EXOC4: variants seen among roughly 807,000 people sequenced by gnomAD.
EXOC4 encodes exocyst complex component 4.
In EXOC4, 71 loss-of-function variants were observed where a neutral mutation model predicts 107.2. The observed-to-expected ratio is 0.66, with a 90% CI of 0.55 to 0.81. The LOEUF is 0.81. EXOC4 is among the 30% of genes least tolerant of loss of function. The probability of loss-of-function intolerance (pLI) is 0.00; values close to 1 mark genes in which losing one functional copy is unlikely to be tolerated. For missense variants in EXOC4, 1,108 were observed against 1,189.6 expected, an observed-to-expected ratio of 0.93 and a Z score of 1.01; for synonymous variants, 456 against 441.2, an observed-to-expected ratio of 1.03 and a Z score of -0.42.
At chr7:133,410,307 G>C (rs901948058) in intron 7 of EXOC4, among the ~76,000 whole-genome samples, 1 of 152,248 alleles carries the variant, frequency 6.6e-6, no homozygotes. Context: ...AGGGAAAAAA[G>C]CATTACATTA....
chr7:133,922,385 C>T (rs1181780030), intron 13 of EXOC4, among the ~76,000 whole-genome samples: 1 of 151,990 alleles, frequency 6.6e-6, no homozygotes, highest in African/African-American at 2.4e-5. Context: ...TATTTTTGGA[C>T]CTTATATAAA....
At chr7:134,008,842 G>A (rs1017743756) in intron 17 of EXOC4, among the ~76,000 whole-genome samples, 2 of 151,964 alleles carry the variant, frequency 1.3e-5, no homozygotes, top group Non-Finnish European at 2.9e-5. Context: ...TGTTGCCTAG[G>A]CTGGTCTTGA....
intron 5 of EXOC4, among the ~76,000 whole-genome samples, chr7:133,348,403 A>G (rs1209415597): frequency 6.6e-6 from 1 of 152,172 alleles, no homozygotes; most frequent in Non-Finnish European, 1.5e-5. Context: ...TATCTATCAT[A>G]TTAGTGTGTA....
chr7:133,587,316 A>G (rs1221003742), intron 9 of EXOC4, among the ~76,000 whole-genome samples: 1 of 152,244 alleles, frequency 6.6e-6, no homozygotes, highest in Non-Finnish European at 1.5e-5. Context: ...CACTTGCAAA[A>G]TGAAAACGAG....
chr7:133,826,417 A>G (rs896383105), intron 11 of EXOC4, among the ~76,000 whole-genome samples: 1 of 152,208 alleles, frequency 6.6e-6, no homozygotes, highest in Non-Finnish European at 1.5e-5. Flanking sequence ...TTTGGTCTCC[A>G]TAATCATCAG....
At chr7:133,330,979 G>A (rs1307081506) in intron 5 of EXOC4, among the ~76,000 whole-genome samples, 2 of 151,452 alleles carry the variant, frequency 1.3e-5, no homozygotes, top group African/African-American at 4.9e-5. Flanking sequence ...GTTATAGTTT[G>A]CAAAATATAT....
chr7:133,406,395 T>G (rs1447215765), intron 7 of EXOC4, among the ~76,000 whole-genome samples: 1 of 152,230 alleles, frequency 6.6e-6, no homozygotes, highest in Non-Finnish European at 1.5e-5. Flanking sequence ...TTTTGAGCGT[T>G]GGGGATGAGC....
chr7:133,928,447 C>T (rs1017890340), intron 13 of EXOC4, among the ~76,000 whole-genome samples: 2 of 152,176 alleles, frequency 1.3e-5, no homozygotes, highest in African/African-American at 2.4e-5. Context: ...TCCCTGCCAG[C>T]GGGTGAAGGA....
chr7:133,508,449 T>C (rs1297987611), intron 9 of EXOC4, among the ~76,000 whole-genome samples: 2 of 152,352 alleles, frequency 1.3e-5, no homozygotes, highest in East Asian at 1.9e-4. Flanking sequence ...AAGGTGATGC[T>C]AATCAGGATA....
At chr7:133,821,965 G>T (rs566160725) in intron 11 of EXOC4, among the ~76,000 whole-genome samples, 2 of 152,278 alleles carry the variant, frequency 1.3e-5, no homozygotes, top group African/African-American at 4.8e-5. Flanking sequence ...TCATGGTCTT[G>T]GGTTTAAGAT....
intron 3 of EXOC4, among the ~76,000 whole-genome samples, chr7:133,298,785 C>G (rs1210582719): frequency 6.6e-6 from 1 of 152,052 alleles, no homozygotes; most frequent in Non-Finnish European, 1.5e-5. Context: ...AGATCTACTT[C>G]TAGAATTTTA....
chr7:133,830,201 T>C (rs966216042), intron 11 of EXOC4, among the ~76,000 whole-genome samples: 9 of 152,242 alleles, frequency 5.9e-5, no homozygotes, highest in Non-Finnish European at 1.3e-4. Flanking sequence ...TCCTTTTTTT[T>C]CCACAAACAT....
chr7:133,817,499 C>A lies in EXOC4; in HGVS notation c.1689C>A (p.Asn563Lys), dbSNP rs1052756068. The change falls in exon 11 of 18, where the codon AAC (asparagine) becomes AAA (lysine). Residue 563 changes from asparagine to lysine, a missense_variant. By Grantham distance (94) the Asn-to-Lys change is moderately conservative (BLOSUM62 0). Transcript: ENST00000253861. Reference protein sequence around the residue: ...KTSDPLKILANADTMKVLGVQ... With the variant: ...KTSDPLKILAKADTMKVLGVQ... ...CTGACCCTTTGAAGATTCTGGCCAA[C>A]GCAGACACCATGAAGGTGCTGGGAG... 6.2e-7 allele frequency: 1 copy of A among 1,613,996 alleles called. No homozygotes were observed. The highest frequency in any genetic ancestry group is 1.3e-5 in the African/African-American group (1 of 74,920).
At chr7:133,870,300 G>T (rs1282397382) in intron 11 of EXOC4, among the ~76,000 whole-genome samples, 1 of 152,038 alleles carries the variant, frequency 6.6e-6, no homozygotes, top group Non-Finnish European at 1.5e-5. Context: ...TTACCTCATG[G>T]AACAGATATC....
intron 12 of EXOC4, among the ~76,000 whole-genome samples, chr7:133,909,865 A>G (rs901670578): frequency 2.6e-5 from 4 of 151,330 alleles, no homozygotes; most frequent in African/African-American, 7.3e-5. Flanking sequence ...AACACAGACT[A>G]TATTTAAATT....
chr7:133,607,256 CAT>C (rs1801970691), intron 9 of EXOC4, among the ~76,000 whole-genome samples: 1 of 152,158 alleles, frequency 6.6e-6, no homozygotes, highest in Non-Finnish European at 1.5e-5. Context: ...GAACTTAACA[CAT>C]GTGTCTGACA....
intron 17 of EXOC4, among the ~76,000 whole-genome samples, chr7:134,032,193 A>G (rs766930080): frequency 1.3e-5 from 2 of 152,180 alleles, no homozygotes; most frequent in South Asian, 2.1e-4. Flanking sequence ...TTATAACTAC[A>G]TTACCTAGAA....
At chr7:133,370,922 G>A (rs1235156556) in intron 6 of EXOC4, among the ~76,000 whole-genome samples, 1 of 152,130 alleles carries the variant, frequency 6.6e-6, no homozygotes, top group African/African-American at 2.4e-5. Context: ...CTTTGCAGAC[G>A]GGGACACTTG....
intron 7 of EXOC4, among the ~76,000 whole-genome samples, chr7:133,418,327 A>G (rs1797525499): frequency 6.6e-6 from 1 of 152,206 alleles, no homozygotes; most frequent in South Asian, 2.1e-4. Context: ...GGCTTCATTC[A>G]TAATGTTGGC....
Sources: allele counts gnomAD v4.1 joint callset (sites outside exome capture counted in the v4.1 genomes callset), GRCh38; gene constraint gnomAD v4.1.1; transcripts MANE v1.5; gene names NCBI Gene and HGNC (gene_info 2026-07-23, HGNC 2026-07-21).